Variants in ADAM2 observed in about 807,000 individuals in gnomAD.
ADAM2 encodes ADAM metallopeptidase domain 2, also known as disintegrin and metalloproteinase domain-containing protein 2.
Under a neutral mutation model 99.3 loss-of-function variants are expected in ADAM2, and 101 were observed. The observed-to-expected ratio is 1.02, with a 90% confidence interval of 0.87 to 1.20. The LOEUF is 1.20. ADAM2 is among the 50% of genes most tolerant of loss of function. ADAM2 has a pLI of 0.00. For synonymous variants in ADAM2, 323 were observed against 287.6 expected (o/e 1.12, Z -1.25); for missense variants, 948 against 878.7 (o/e 1.08, Z -1.00).
intron 4 of ADAM2, among the ~76,000 whole-genome samples, chr8:39,824,414 A>G (rs1193643512): frequency 6.6e-6 from 1 of 152,154 alleles, no homozygotes; most frequent in Non-Finnish European, 1.5e-5. Flanking sequence ...AAAATTTAAT[A>G]TACTCCTAAA....
chr8:39,806,887 A>T (rs935110003), intron 7 of ADAM2, among the ~76,000 whole-genome samples: 1 of 152,232 alleles, frequency 6.6e-6, no homozygotes, highest in Non-Finnish European at 1.5e-5. Flanking sequence ...GAGACAGGAC[A>T]CAATGAAGGA....
chr8:39,786,225 A>G (rs1803462792), intron 10 of ADAM2, among the ~76,000 whole-genome samples: 6 of 152,204 alleles, frequency 3.9e-5, no homozygotes, highest in African/African-American at 1.4e-4. Context: ...AGAATCAATC[A>G]TATCCGAAAC....
rs1804248664 is a variant in ADAM2, at chr8:39,802,272, C to G, written c.570+7138G>C. 2.0e-5 allele frequency among the ~76,000 whole-genome samples: 3 copies of G among 152,202 alleles called. No individual in the cohort carries two copies. The South Asian group carries it at 6.2e-4, about 32-fold the overall frequency. ...CTCTCAGGTGGGCTGCCACACCACA[C>G]TGCTCTTCCTTCTTTCCGTGGGTCA... On this transcript the variant is annotated intron_variant, in intron 7 of 20. Transcript: ENST00000265708.
chr8:39,779,444 A>T (rs1466529919), intron 10 of ADAM2, among the ~76,000 whole-genome samples: 1 of 152,140 alleles, frequency 6.6e-6, no homozygotes, highest in South Asian at 2.1e-4. Flanking sequence ...ATTGGAGGTT[A>T]AGGCTTCAAC....
Position 39,786,871 on chromosome 8 carries a change from C to T in ADAM2, c.891+103G>A, listed in dbSNP as rs138304905. The T allele has an allele frequency of 2.0e-3, 1,636 of 824,566 alleles. 12 individuals are homozygous for T. The highest frequency in any genetic ancestry group is 1.2e-3 in the Non-Finnish European group (657 of 535,096). The allele number at this position is 824,566 out of a possible 1,614,324, so 51.1% of individuals were successfully genotyped here. A position where few individuals can be genotyped will look rare whatever the true frequency, so the allele number is the denominator to read the frequency against. On this transcript the variant is annotated intron_variant, in intron 10 of 20. Coordinates refer to ENST00000265708, the MANE Select transcript of ADAM2 (RefSeq NM_001464.5). Reference sequence around the variant, plus strand: ...TCTGTCAGCAACAGTGACAAAGATGCTTAGAACAATGCAAATTTTAATACA... The same window carrying T: ...TCTGTCAGCAACAGTGACAAAGATGTTTAGAACAATGCAAATTTTAATACA...
chr8:39,790,947 A>T (rs1219871871), intron 7 of ADAM2, among the ~76,000 whole-genome samples: 2 of 151,972 alleles, frequency 1.3e-5, no homozygotes, highest in African/African-American at 4.8e-5. Flanking sequence ...GAAGATACAG[A>T]GCTTACCTAA....
rs1803575092 is a variant in ADAM2 at position 39,788,662 on chromosome 8, G to T, written c.642+7C>A. ...AAGTGCAAAAGTACTAAGAAGCAAA[G>T]ACTTACAGCATTCGTCAATCCAATC... On this transcript the variant is annotated splice_region_variant and intron_variant, in intron 8 of 20. Coordinates refer to ENST00000265708, the MANE Select transcript of ADAM2 (RefSeq NM_001464.5). The T allele has an allele frequency of 1.3e-6, 2 of 1,567,148 alleles. No homozygotes were observed. The highest frequency in any genetic ancestry group is 2.7e-5 in the African/African-American group (2 of 72,968).
At chr8:39,780,383 A>C (rs1209567493) in intron 10 of ADAM2, among the ~76,000 whole-genome samples, 2 of 152,134 alleles carry the variant, frequency 1.3e-5, no homozygotes, top group African/African-American at 2.4e-5. Context: ...TATATTAATA[A>C]ACATGTTAGG....
At chr8:39,784,916 T>C (rs1337112346) in intron 10 of ADAM2, among the ~76,000 whole-genome samples, 1 of 152,172 alleles carries the variant, frequency 6.6e-6, no homozygotes, top group Non-Finnish European at 1.5e-5. Flanking sequence ...TTTTGCTTGT[T>C]CAATTGTTTC....
rs111543786 is a variant in ADAM2, at chr8:39,746,625, C to T, written c.2021G>A (p.Arg674His). 1.1e-4 allele frequency: 170 copies of T among 1,576,840 alleles called. No homozygotes were observed. In the African/African-American group the frequency reaches 1.4e-3, roughly 13 times the overall value. ...GGAATGGTAAATGTTCTCAATGTAG[C>T]GCCTTTCTAGAAGAAAAAAAAATCA... ...VAIPARLPER[R>H]YIENIYHSKP... Residue 674 changes from arginine (R) to histidine (H), a missense_variant, in exon 19 of 21, where the codon CGC becomes CAC. Arg to His is a conservative substitution (Grantham distance 29, BLOSUM62 0). Transcript: ENST00000265708.
At chr8:39,818,459 T>C (rs927748886) in intron 6 of ADAM2, among the ~76,000 whole-genome samples, 2 of 151,808 alleles carry the variant, frequency 1.3e-5, no homozygotes, top group Non-Finnish European at 2.9e-5. Context: ...TGTGAAAAAA[T>C]TACAAATAAC....
chr8:39,826,923 G>T (rs568150954), intron 3 of ADAM2, among the ~76,000 whole-genome samples: 1 of 151,790 alleles, frequency 6.6e-6, no homozygotes, highest in Non-Finnish European at 1.5e-5. Context: ...AAATTTAGAA[G>T]CTTCTGTACA....
At chr8:39,761,582 T>C (rs1802372572) in intron 14 of ADAM2, among the ~76,000 whole-genome samples, 1 of 152,192 alleles carries the variant, frequency 6.6e-6, no homozygotes, top group South Asian at 2.1e-4. Context: ...TATTAGTACG[T>C]AGGAAACTTT....
chr8:39,761,861 C>T (rs1164523886), intron 14 of ADAM2, among the ~76,000 whole-genome samples: 1 of 152,120 alleles, frequency 6.6e-6, no homozygotes, highest in Non-Finnish European at 1.5e-5. Flanking sequence ...GCGGGCGGAT[C>T]ACGAGTTAAG....
Position 39,813,662 on chromosome 8 carries a change from T to C in ADAM2, c.514-4196A>G, listed in dbSNP as rs909837761. Among the ~76,000 whole-genome samples, 7 of 151,798 alleles carry C rather than the reference T, an allele frequency of 4.6e-5. No individual in the cohort carries two copies. In the South Asian group the frequency reaches 1.5e-3, roughly 32 times the overall value. On this transcript the variant is annotated intron_variant, in intron 6 of 20. Coordinates refer to ENST00000265708, the MANE Select transcript of ADAM2 (RefSeq NM_001464.5). ...GGAAACCATCATTCTGAGCAAACTA[T>C]CACAAGGACAGAAAGTCAAACACCA...
At chr8:39,838,051 G>A in intron 1 of ADAM2, 80 bp downstream of exon 1, 1 of 1,463,442 alleles carries the variant, frequency 6.8e-7, no homozygotes, top group Non-Finnish European at 9.6e-7. Context: ...ATCCTCCCAG[G>A]GATGTCAATG....
At chr8:39,761,530 A>G (rs955097427) in intron 14 of ADAM2, among the ~76,000 whole-genome samples, 9 of 152,176 alleles carry the variant, frequency 5.9e-5, no homozygotes, top group Admixed American at 3.3e-4. Flanking sequence ...TAGCCACTGT[A>G]TTGTTTAACC....
intron 10 of ADAM2, among the ~76,000 whole-genome samples, chr8:39,786,673 C>A (rs76307989): frequency 6.6e-6 from 1 of 151,562 alleles, no homozygotes; most frequent in Non-Finnish European, 1.5e-5. Flanking sequence ...AAGTTTTAGC[C>A]GAAATTAATT....
intron 3 of ADAM2, among the ~76,000 whole-genome samples, chr8:39,833,481 C>A (rs1359897152): frequency 6.6e-6 from 1 of 151,876 alleles, no homozygotes; most frequent in African/African-American, 2.4e-5. Context: ...CATCAACTGG[C>A]CTGAGATTGA....
Sources: allele counts gnomAD v4.1 joint callset (sites outside exome capture counted in the v4.1 genomes callset), GRCh38; gene constraint gnomAD v4.1.1; transcripts MANE v1.5; gene names NCBI Gene and HGNC (gene_info 2026-07-23, HGNC 2026-07-21).